PKHD1L1: variants seen among roughly 807,000 people sequenced by gnomAD.
PKHD1L1 encodes PKHD1 like 1.
A neutral mutation model predicts 462.9 loss-of-function variants in PKHD1L1; 434 were observed. That is an observed-to-expected ratio of 0.94 (90% confidence interval 0.87 to 1.02). The LOEUF is 1.02. Among genes scored for constraint, PKHD1L1 ranks in the 50% least tolerant of loss-of-function variants. The pLI, the probability that PKHD1L1 is intolerant of heterozygous loss-of-function variation, is 0.00. For missense variants in PKHD1L1, 5,202 were observed against 5,096.1 expected (o/e 1.02, Z -0.63); for synonymous variants, 1,781 against 1,750.0 (o/e 1.02, Z -0.44).
intron 14 of PKHD1L1, among the ~76,000 whole-genome samples, chr8:109,403,909 G>A (rs1428615624): frequency 2.0e-5 from 3 of 152,124 alleles, no homozygotes; most frequent in Non-Finnish European, 4.4e-5. Flanking sequence ...GCACTCTCTT[G>A]TTAACAGCTG....
chr8:109,438,438 A>T lies in PKHD1L1; in HGVS notation c.3742A>T (p.Lys1248Ter), dbSNP rs1305941588. Reference sequence around the variant, plus strand: ...ACCAATTATAACTGATTTTAGTCCAAAAGTACGAACAATACTAGGTAAGAA... The same window carrying T: ...ACCAATTATAACTGATTTTAGTCCATAAGTACGAACAATACTAGGTAAGAA... ...QTPIITDFSP[K>*]VRTILGEVNL... The change falls in exon 31 of 78, where the codon AAA (lysine) becomes TAA (stop). Residue 1248 changes from lysine to a stop codon, truncating the protein, a stop_gained. Transcript: ENST00000378402. LOFTEE classifies it high-confidence loss of function. 6.5e-7 allele frequency: 1 copy of T among 1,541,660 alleles called. No homozygotes were observed. Among genetic ancestry groups the T allele is most frequent in the African/African-American group, 1.4e-5 (1 of 72,710 alleles).
At chr8:109,410,060 A>G (rs1813757525) in intron 19 of PKHD1L1, 82 bp downstream of exon 19, 1 of 748,470 alleles carries the variant, frequency 1.3e-6, no homozygotes, top group African/African-American at 1.9e-5. Flanking sequence ...TCTCTTCTGA[A>G]GTAGCATTAA....
intron 2 of PKHD1L1, among the ~76,000 whole-genome samples, chr8:109,366,709 T>G (rs1368233339): frequency 4.6e-5 from 6 of 130,556 alleles, no homozygotes; most frequent in Non-Finnish European, 8.4e-5. Flanking sequence ...TTTTTTTTTT[T>G]GAGACGGAGT....
chr8:109,518,520 AG>A lies in PKHD1L1; in HGVS notation c.12031+14del, dbSNP rs2131015924. On this transcript the variant is annotated intron_variant, in intron 73 of 77. Coordinates refer to ENST00000378402, the MANE Select transcript of PKHD1L1 (RefSeq NM_177531.6). ...CAATGGCACCACAGGTATGAATAAC[AG>A]GTGTTTGAGATGGAGGAATGCAATT... The A allele has an allele frequency of 3.8e-6, 6 of 1,572,888 alleles. No homozygotes were observed. The East Asian group carries it at 1.3e-4, about 35-fold the overall frequency.
At chr8:109,434,178 C>T (rs975729622) in intron 28 of PKHD1L1, among the ~76,000 whole-genome samples, 2 of 151,974 alleles carry the variant, frequency 1.3e-5, no homozygotes, top group African/African-American at 4.8e-5. Flanking sequence ...CAGCAAACCA[C>T]GATGATATGT....
intron 6 of PKHD1L1, among the ~76,000 whole-genome samples, chr8:109,387,294 G>T (rs1373080030): frequency 6.6e-6 from 1 of 152,140 alleles, no homozygotes; most frequent in Admixed American, 6.6e-5. Context: ...TGATCTAAAA[G>T]ATCAGGTAAA....
intron 57 of PKHD1L1, among the ~76,000 whole-genome samples, 154 bp downstream of exon 57, chr8:109,483,259 A>G (rs750247197): frequency 4.6e-5 from 7 of 151,678 alleles, no homozygotes; most frequent in Non-Finnish European, 1.0e-4. Context: ...TGTATCCGAT[A>G]GGAGGCATTT....
intron 2 of PKHD1L1, among the ~76,000 whole-genome samples, chr8:109,366,925 T>G (rs1352300435): frequency 1.3e-5 from 2 of 151,956 alleles, no homozygotes; most frequent in African/African-American, 4.8e-5. Context: ...AACTCCTGAC[T>G]TCGTGATCTG....
chr8:109,386,495 C>T (rs1016334090), intron 6 of PKHD1L1, among the ~76,000 whole-genome samples: 9 of 152,080 alleles, frequency 5.9e-5, no homozygotes, highest in Admixed American at 4.6e-4. Flanking sequence ...CATACAAATA[C>T]ATAATTTTGT....
chr8:109,438,449 A>C lies in PKHD1L1; in HGVS notation c.3753A>C (p.Thr1251=). 1 of 1,534,676 alleles carries C rather than the reference A, an allele frequency of 6.5e-7. No homozygotes were observed. The highest frequency in any genetic ancestry group is 8.8e-7 in the Non-Finnish European group (1 of 1,139,476). ...CTGATTTTAGTCCAAAAGTACGAAC[A>C]ATACTAGGTAAGAAATTCTTCAATA... The part of the protein sequence containing the change: ...IITDFSPKVR[T]ILGEVNLTIK... The change falls in exon 31 of 78, where the codon ACA becomes ACC. Residue 1251 remains threonine (T), a synonymous_variant. Transcript: ENST00000378402.
intron 2 of PKHD1L1, among the ~76,000 whole-genome samples, chr8:109,365,012 T>C (rs1811161206): frequency 6.6e-6 from 1 of 152,164 alleles, no homozygotes; most frequent in Non-Finnish European, 1.5e-5. Flanking sequence ...GATAAGAAAG[T>C]ATAATAGAGA....
rs1563738480 is a variant in PKHD1L1, at chr8:109,400,354, C to A, written c.1281+10C>A. 3 of 1,609,082 alleles carry A rather than the reference C, an allele frequency of 1.9e-6. No individual in the cohort carries two copies. Among genetic ancestry groups the A allele is most frequent in the Non-Finnish European group, 2.5e-6 (3 of 1,176,866 alleles). ...ACTTCCAGAAGATAAGGTAGGGAAG[C>A]CTCAGAATACTATTTGATACTGTAA... is the stretch of plus-strand genomic sequence containing the variant. On this transcript the variant is annotated intron_variant, in intron 13 of 77. Transcript: ENST00000378402.
intron 23 of PKHD1L1, among the ~76,000 whole-genome samples, chr8:109,424,119 A>G (rs1814616537): frequency 6.6e-6 from 1 of 152,048 alleles, no homozygotes; most frequent in African/African-American, 2.4e-5. Flanking sequence ...TTCTTTCTTA[A>G]ACTCACTCCT....
At chr8:109,529,879 A>T (rs1820987540) in intron 77 of PKHD1L1, among the ~76,000 whole-genome samples, 1 of 152,130 alleles carries the variant, frequency 6.6e-6, no homozygotes, top group Non-Finnish European at 1.5e-5. Flanking sequence ...AATAAAAAAT[A>T]AAACAATCTT....
intron 51 of PKHD1L1, among the ~76,000 whole-genome samples, chr8:109,475,567 G>A (rs1312282215): frequency 6.6e-6 from 1 of 151,836 alleles, no homozygotes; most frequent in East Asian, 1.9e-4. Flanking sequence ...ATATCTCAGG[G>A]ACCAGCAGTT....
chr8:109,384,140 A>G lies in PKHD1L1; in HGVS notation c.475+13A>G, dbSNP rs917273440. ...TCTGGAACTCCAGGTCTGTTATATG[A>G]CATCTGAAATAACTTTTGGTTTCAT... is the stretch of plus-strand genomic sequence containing the variant. On this transcript the variant is annotated intron_variant, in intron 5 of 77. Coordinates refer to ENST00000378402, the MANE Select transcript of PKHD1L1 (RefSeq NM_177531.6). The G allele has an allele frequency of 1.3e-6, 2 of 1,588,486 alleles. No homozygotes were observed. Among genetic ancestry groups the G allele is most frequent in the Non-Finnish European group, 1.7e-6 (2 of 1,159,770 alleles).
At position 109,381,421 on chromosome 8, in the gene PKHD1L1, G is replaced by T; in HGVS notation, c.215G>T (p.Gly72Val). 1 of 1,583,582 alleles carries T rather than the reference G, an allele frequency of 6.3e-7. No homozygotes were observed. Among genetic ancestry groups the T allele is most frequent in the Non-Finnish European group, 8.6e-7 (1 of 1,163,118 alleles). The stretch of plus-strand genomic sequence containing the variant: ...TATGGAGTTGATAACGCTGAGTTGG[G>T]AAACAGTGTGCAATTAATTTCTTCT... ...FNYGVDNAEL[G>V]NSVQLISSFQ... Residue 72 changes from glycine to valine, a missense_variant, in exon 3 of 78, where the codon GGA (glycine) becomes GTA (valine). Gly to Val is a moderately radical substitution (Grantham distance 109). Transcript: ENST00000378402.
At chr8:109,441,217 A>C in intron 33 of PKHD1L1, 58 bp from the exon 34 acceptor site, 1 of 1,241,784 alleles carries the variant, frequency 8.1e-7, no homozygotes, top group South Asian at 1.6e-5. Flanking sequence ...ATAATTCACA[A>C]AAAAAAATTT....
chr8:109,438,550 T>A, intron 31 of PKHD1L1, 94 bp downstream of exon 31: 1 of 1,202,390 alleles, frequency 8.3e-7, no homozygotes, highest in Non-Finnish European at 1.1e-6. Flanking sequence ...TGTAGTTTTG[T>A]TTCTTAAAGT....
Sources: gnomAD v4.1 joint callset for allele counts (sites outside exome capture counted in the v4.1 genomes callset) on GRCh38, gnomAD v4.1.1 for gene constraint, MANE v1.5 for transcripts, NCBI Gene and HGNC (gene_info 2026-07-23, HGNC 2026-07-21) for gene names.